KIF26B: variants seen among roughly 807,000 people sequenced by gnomAD.
KIF26B encodes the protein kinesin-like protein KIF26B.
Under a neutral mutation model 151.2 loss-of-function variants are expected in KIF26B, and 63 were observed. The ratio of observed to expected loss-of-function variants is 0.42; its 90% confidence interval spans 0.34 to 0.51. KIF26B has a LOEUF of 0.51. Among genes scored for constraint, KIF26B ranks in the 20% least tolerant of loss-of-function variants. The probability of loss-of-function intolerance (pLI) is 0.07; values close to 1 mark genes in which losing one functional copy is unlikely to be tolerated. For synonymous variants in KIF26B, 1,357 were observed against 1,262.1 expected (o/e 1.08, Z -1.59); for missense variants, 2,813 against 2,913.6 (o/e 0.97, Z 0.79).
intron 2 of KIF26B, among the ~76,000 whole-genome samples, chr1:245,347,970 G>A (rs1672487891): frequency 1.3e-5 from 2 of 152,218 alleles, no homozygotes; most frequent in Admixed American, 6.5e-5. Context: ...TGAGGAAACT[G>A]AGAAACAGAG....
intron 4 of KIF26B, among the ~76,000 whole-genome samples, chr1:245,445,045 G>A (rs1201214363): frequency 6.6e-6 from 1 of 152,182 alleles, no homozygotes; most frequent in Non-Finnish European, 1.5e-5. Flanking sequence ...AAATTCCTGT[G>A]TAATGTATCG....
At chr1:245,243,809 C>A (rs1343818079) in intron 2 of KIF26B, among the ~76,000 whole-genome samples, 3 of 151,862 alleles carry the variant, frequency 2.0e-5, no homozygotes, top group East Asian at 3.9e-4. Context: ...CGAGATCATG[C>A]CACTGCACTC....
intron 2 of KIF26B, among the ~76,000 whole-genome samples, chr1:245,285,539 G>A (rs940865264): frequency 3.3e-5 from 5 of 150,126 alleles, no homozygotes; most frequent in Middle Eastern, 6.9e-3. Flanking sequence ...ATTCTCAAAC[G>A]TTTACATTTC....
intron 2 of KIF26B, among the ~76,000 whole-genome samples, chr1:245,161,902 G>A (rs908237872): frequency 6.6e-6 from 1 of 152,168 alleles, no homozygotes; most frequent in African/African-American, 2.4e-5. Flanking sequence ...CCAGTGAGTG[G>A]GGAGGTTGGG....
chr1:245,699,617 T>TTGTC (rs760013777), intron 14 of KIF26B, among the ~76,000 whole-genome samples: 1 of 21,958 alleles, frequency 4.6e-5, no homozygotes, highest in South Asian at 1.1e-3. Context: ...TTCAATTGTC[T>TTGTC]TGTCTTATTA....
chr1:245,381,474 C>A (rs555877357), intron 3 of KIF26B, among the ~76,000 whole-genome samples: 1 of 152,052 alleles, frequency 6.6e-6, no homozygotes, highest in Admixed American at 6.6e-5. Context: ...TAAAACATTG[C>A]GAGATTTTTT....
Position 245,211,403 on chromosome 1 carries a change from C to T in KIF26B, c.465+54720C>T, listed in dbSNP as rs144557568. Among the ~76,000 whole-genome samples the T allele has an allele frequency of 7.0e-4, 107 of 152,286 alleles. 1 individual carries two copies. Among genetic ancestry groups the T allele is most frequent in the African/African-American group, 2.2e-3 (90 of 41,558 alleles). ...CCCAAAATGATCCAGTGCTGGAGGCCGGCTTTGCAAACCCAAGGCAGGGTC... is the reference window on the plus strand; with the variant it reads ...CCCAAAATGATCCAGTGCTGGAGGCTGGCTTTGCAAACCCAAGGCAGGGTC... On this transcript the variant is annotated intron_variant, in intron 2 of 14. Coordinates refer to ENST00000407071, the MANE Select transcript of KIF26B (RefSeq NM_018012.4).
At chr1:245,238,301 G>A (rs190422590) in intron 2 of KIF26B, among the ~76,000 whole-genome samples, 66 of 151,936 alleles carry the variant, frequency 4.3e-4, no homozygotes, top group African/African-American at 1.4e-3. Flanking sequence ...GCACCACTGT[G>A]CTCCAGCCTG....
intron 9 of KIF26B, among the ~76,000 whole-genome samples, chr1:245,632,618 T>TGGACCA (rs2043792793): frequency 6.6e-6 from 1 of 152,318 alleles, no homozygotes; most frequent in Admixed American, 6.5e-5. Flanking sequence ...AGCGGAGTGG[T>TGGACCA]GGACCAGGAC....
Position 245,218,230 on chromosome 1 carries a change from G to T in KIF26B, c.465+61547G>T, listed in dbSNP as rs1669688353. Among the ~76,000 whole-genome samples the T allele has an allele frequency of 6.6e-6, 1 of 152,160 alleles. No individual in the cohort carries two copies. The highest frequency in any genetic ancestry group is 1.5e-5 in the Non-Finnish European group (1 of 68,028). On this transcript the variant is annotated intron_variant, in intron 2 of 14. Transcript: ENST00000407071. This position sits in a 1 kb window ranked among gnomAD's most constrained non-coding sequence, Gnocchi z 4.1. The stretch of plus-strand genomic sequence containing the variant: ...GAGCAGTGACATTCGGGCCCTCGGG[G>T]GCAGACTGTGCCTGTGGCTTCTCAG...
At chr1:245,435,367 ATGGCTTT>A (rs1658892491) in intron 4 of KIF26B, among the ~76,000 whole-genome samples, 1 of 152,208 alleles carries the variant, frequency 6.6e-6, no homozygotes, top group Admixed American at 6.5e-5. Context: ...GCCATCCAGT[ATGGCTTT>A]TGCTCTCCCG....
intron 9 of KIF26B, among the ~76,000 whole-genome samples, chr1:245,637,287 T>C (rs1394593964): frequency 6.6e-6 from 1 of 152,120 alleles, no homozygotes; most frequent in African/African-American, 2.4e-5. Context: ...TCTTTTCACA[T>C]ACCTCTTGGC....
At chr1:245,355,874 G>C (rs1366627882) in intron 2 of KIF26B, among the ~76,000 whole-genome samples, 1 of 152,208 alleles carries the variant, frequency 6.6e-6, no homozygotes, top group African/African-American at 2.4e-5. Flanking sequence ...CACAGCTGGG[G>C]TGAGGCCCTT....
At chr1:245,330,315 T>C (rs1442684529) in intron 2 of KIF26B, among the ~76,000 whole-genome samples, 1 of 133,656 alleles carries the variant, frequency 7.5e-6, no homozygotes, top group Non-Finnish European at 1.6e-5. Flanking sequence ...GGCAGTCACA[T>C]GGCCTCATGT....
chr1:245,390,918 T>C (rs1673669422), intron 3 of KIF26B, among the ~76,000 whole-genome samples: 1 of 25,972 alleles, frequency 3.9e-5, no homozygotes, highest in African/African-American at 4.9e-4. Flanking sequence ...CAAGACCCTG[T>C]CTCAAAAAAA....
At chr1:245,185,818 G>A (rs1234051717) in intron 2 of KIF26B, among the ~76,000 whole-genome samples, 2 of 151,666 alleles carry the variant, frequency 1.3e-5, no homozygotes, top group Non-Finnish European at 2.9e-5. Flanking sequence ...TAGTGATGCT[G>A]GCTACAACCT....
At chr1:245,204,589 G>A (rs1204595466) in intron 2 of KIF26B, among the ~76,000 whole-genome samples, 1 of 152,058 alleles carries the variant, frequency 6.6e-6, no homozygotes, top group African/African-American at 2.4e-5. Flanking sequence ...GGCCAGGCTG[G>A]TCTCGAGCTC....
At chr1:245,163,492 G>GC in intron 2 of KIF26B, among the ~76,000 whole-genome samples, 2 of 152,196 alleles carry the variant, frequency 1.3e-5, no homozygotes, top group East Asian at 3.9e-4. Context: ...TGTTTGGCAG[G>GC]GCTAGCTCTC....
intron 3 of KIF26B, among the ~76,000 whole-genome samples, chr1:245,409,368 C>A (rs1158379267): frequency 6.6e-6 from 1 of 152,148 alleles, no homozygotes; most frequent in East Asian, 1.9e-4. Context: ...TATCTTCTGG[C>A]AATACAAAGG....
Sources: gnomAD v4.1 joint callset for allele counts (sites outside exome capture counted in the v4.1 genomes callset) on GRCh38, gnomAD v4.1.1 for gene constraint, Gnocchi (gnomAD v3.1) non-coding constraint, MANE v1.5 for transcripts, NCBI Gene and HGNC (gene_info 2026-07-23, HGNC 2026-07-21) for gene names.